RALGPS2: variants seen among roughly 807,000 people sequenced by gnomAD.
RALGPS2 encodes the protein Ral GEF with PH domain and SH3 binding motif 2, also known as ras-specific guanine nucleotide-releasing factor RalGPS2.
A neutral mutation model predicts 86.8 loss-of-function variants in RALGPS2; 43 were observed. The ratio of observed to expected loss-of-function variants is 0.50; its 90% CI spans 0.39 to 0.64. The LOEUF (loss-of-function observed/expected upper bound fraction) is 0.64. RALGPS2 is among the 30% of genes least tolerant of loss of function. RALGPS2 has a pLI of 0.00. For missense variants in RALGPS2, 536 were observed against 694.6 expected (o/e 0.77, Z 2.57); for synonymous variants, 243 against 231.3 (o/e 1.05, Z -0.46).
intron 7 of RALGPS2, among the ~76,000 whole-genome samples, chr1:178,828,266 G>A (rs1427474573): frequency 6.6e-6 from 1 of 152,174 alleles, no homozygotes; most frequent in African/African-American, 2.4e-5. Flanking sequence ...TCGGAGAAAT[G>A]TGTTGTTTGG....
chr1:178,727,230 CTT>C (rs76880384), intron 1 of RALGPS2, among the ~76,000 whole-genome samples: 3 of 146,426 alleles, frequency 2.0e-5, no homozygotes, highest in African/African-American at 7.4e-5. Flanking sequence ...TTATATTCCA[CTT>C]TTTTTTTTTT....
At chr1:178,734,999 A>C (rs1650590902) in intron 1 of RALGPS2, among the ~76,000 whole-genome samples, 1 of 152,200 alleles carries the variant, frequency 6.6e-6, no homozygotes, top group Admixed American at 6.5e-5. Flanking sequence ...AATAAAATAA[A>C]AATAAGTTAT....
chr1:178,738,947 G>A (rs1342198749), intron 1 of RALGPS2, among the ~76,000 whole-genome samples: 2 of 152,124 alleles, frequency 1.3e-5, no homozygotes, highest in African/African-American at 4.8e-5. Context: ...GATTTGTCTA[G>A]AACATTTTTT....
chr1:178,788,833 CTTTCTTTCTTTCT>C lies in RALGPS2; in HGVS notation c.213+3234_213+3246del, dbSNP rs1243365805. ...CTTTTCTTTTCTTTTCTTTTGTTTT[CTTTCTTTCTTTCT>C]TTTCTTTTCTTTTCTTTTCTTTTCT... On this transcript the variant is annotated intron_variant, in intron 4 of 19. Transcript: ENST00000367635. 4.0e-3 allele frequency among the ~76,000 whole-genome samples: 513 copies of C among 129,004 alleles called. 5 individuals carry two copies. Among genetic ancestry groups the C allele is most frequent in the African/African-American group, 0.014 (462 of 32,870 alleles). 84.6% of individuals were successfully genotyped at this position (129,004 alleles called of 152,430 possible). A position where few individuals can be genotyped will look rare whatever the true frequency, so the allele number is the denominator to read the frequency against.
At chr1:178,878,557 T>C (rs778171271) in intron 9 of RALGPS2, among the ~76,000 whole-genome samples, 2 of 152,136 alleles carry the variant, frequency 1.3e-5, no homozygotes, top group African/African-American at 4.8e-5. Context: ...ACCACATTTA[T>C]AAATGGGAAC....
chr1:178,789,194 A>G (rs554706833), intron 4 of RALGPS2, among the ~76,000 whole-genome samples: 7 of 152,328 alleles, frequency 4.6e-5, no homozygotes, highest in Non-Finnish European at 8.8e-5. Flanking sequence ...GGCGTGAGCC[A>G]CTGTGCCCGG....
chr1:178,762,562 A>G (rs1301545794), intron 1 of RALGPS2, among the ~76,000 whole-genome samples: 1 of 152,100 alleles, frequency 6.6e-6, no homozygotes, highest in Non-Finnish European at 1.5e-5. Flanking sequence ...CTGGTATGAG[A>G]TGGTATCTCA....
chr1:178,860,727 A>T (rs940423653), intron 8 of RALGPS2, among the ~76,000 whole-genome samples: 2 of 152,288 alleles, frequency 1.3e-5, no homozygotes, highest in Non-Finnish European at 2.9e-5. Flanking sequence ...ACACCTCTTA[A>T]AATATACATT....
intron 8 of RALGPS2, among the ~76,000 whole-genome samples, chr1:178,840,036 C>T (rs1391075832): frequency 5.9e-5 from 9 of 152,064 alleles, no homozygotes; most frequent in African/African-American, 2.2e-4. Flanking sequence ...ACTTAGACTC[C>T]CACACAATAA....
At chr1:178,903,415 T>G (rs918535282) in intron 18 of RALGPS2, among the ~76,000 whole-genome samples, 1 of 152,136 alleles carries the variant, frequency 6.6e-6, no homozygotes, top group African/African-American at 2.4e-5. Context: ...GTAAGTTGTT[T>G]AGTGGTGATT....
At chr1:178,768,787 G>A (rs1181062882) in intron 1 of RALGPS2, among the ~76,000 whole-genome samples, 2 of 152,214 alleles carry the variant, frequency 1.3e-5, no homozygotes, top group African/African-American at 2.4e-5. Context: ...GCCACCAGAC[G>A]CCCAGAAGTG....
chr1:178,760,113 CTG>C (rs1480053389), intron 1 of RALGPS2, among the ~76,000 whole-genome samples: 3 of 152,120 alleles, frequency 2.0e-5, no homozygotes, highest in Non-Finnish European at 4.4e-5. Flanking sequence ...CTTTCCAGTA[CTG>C]TGTTGAATAA....
rs1654958790 is a variant in RALGPS2, at chr1:178,811,201, T to C, written c.298-114T>C. On this transcript the variant is annotated intron_variant, in intron 5 of 19. Transcript: ENST00000367635. ...AAAAACCTGCTATAAGTAGCACCTT[T>C]AACAATGTTTAATTTTAGAGCTTAC... 5.6e-5 allele frequency: 37 copies of C among 657,956 alleles called. No homozygotes were observed. The South Asian group carries it at 7.2e-4, about 13-fold the overall frequency. The allele number at this position is 657,956 out of a possible 1,614,324, so 40.8% of individuals were successfully genotyped here. A position where few individuals can be genotyped will look rare whatever the true frequency, so the allele number is the denominator to read the frequency against.
intron 9 of RALGPS2, among the ~76,000 whole-genome samples, chr1:178,878,384 G>C (rs1659087217): frequency 1.3e-5 from 2 of 152,102 alleles, no homozygotes; most frequent in African/African-American, 4.8e-5. Flanking sequence ...ATACTTTTTA[G>C]AAAACCTCAA....
chr1:178,786,684 G>C (rs1017664637), intron 4 of RALGPS2, among the ~76,000 whole-genome samples: 2 of 151,698 alleles, frequency 1.3e-5, no homozygotes, highest in East Asian at 3.9e-4. Flanking sequence ...ATATCAATGT[G>C]ATTTTGTATT....
chr1:178,817,612 T>C (rs890290843), intron 6 of RALGPS2, among the ~76,000 whole-genome samples: 1 of 152,206 alleles, frequency 6.6e-6, no homozygotes, highest in African/African-American at 2.4e-5. Context: ...CTCCATTTTA[T>C]ATCTGTGGAA....
intron 8 of RALGPS2, among the ~76,000 whole-genome samples, chr1:178,860,973 T>C (rs760701030): frequency 1.3e-4 from 20 of 152,188 alleles, no homozygotes; most frequent in Non-Finnish European, 2.2e-4. Context: ...AGCCAGCCTA[T>C]TTGTTGTTGC....
intron 11 of RALGPS2, 96 bp downstream of exon 11, chr1:178,883,629 T>C (rs745667835): frequency 3.6e-5 from 32 of 877,060 alleles, no homozygotes; most frequent in Non-Finnish European, 5.7e-5. Context: ...GTACATCTTA[T>C]ACTGCATGTA....
chr1:178,875,506 G>C (rs1378716020), intron 8 of RALGPS2, among the ~76,000 whole-genome samples: 1 of 152,124 alleles, frequency 6.6e-6, no homozygotes, highest in Non-Finnish European at 1.5e-5. Flanking sequence ...CTAGCACTTT[G>C]GGAGGCTGAG....
Sources: gnomAD v4.1 joint callset for allele counts (sites outside exome capture counted in the v4.1 genomes callset) on GRCh38, gnomAD v4.1.1 for gene constraint, MANE v1.5 for transcripts, NCBI Gene and HGNC (gene_info 2026-07-23, HGNC 2026-07-21) for gene names.